Variants in SFSWAP observed in about 807,000 individuals in gnomAD.
SFSWAP encodes splicing factor, suppressor of white-apricot homolog.
SFSWAP carries 17 observed loss-of-function variants against 100.7 expected under a neutral mutation model. The ratio of observed to expected loss-of-function variants is 0.17; its 90% CI spans 0.12 to 0.25. SFSWAP has a LOEUF of 0.25. Among genes scored for constraint, SFSWAP ranks in the 10% least tolerant of loss-of-function variants. The pLI is 1.00. For synonymous variants in SFSWAP, 504 were observed against 510.1 expected (o/e 0.99, Z 0.16); for missense variants, 1,005 against 1,262.6 (o/e 0.80, Z 3.09).
At chr12:131,765,629 CAA>C (rs1183969864) in intron 12 of SFSWAP, among the ~76,000 whole-genome samples, 4 of 150,374 alleles carry the variant, frequency 2.7e-5, no homozygotes, top group African/African-American at 7.4e-5. Flanking sequence ...GCCTGGGCAA[CAA>C]GAGCAAAAAC....
chr12:131,771,955 C>A (rs1181441917), intron 13 of SFSWAP, among the ~76,000 whole-genome samples: 1 of 152,184 alleles, frequency 6.6e-6, no homozygotes, highest in African/African-American at 2.4e-5. Context: ...GCCACCGCTC[C>A]CGGCCACTTT....
rs1878395532 is a variant in SFSWAP at position 131,720,724 on chromosome 12, T to G, written c.606+1185T>G. On this transcript the variant is annotated intron_variant, in intron 4 of 17. Coordinates refer to ENST00000261674, the MANE Select transcript of SFSWAP (RefSeq NM_004592.4). ...TGGTTCTTACCCTTCATTAATCTGATGAAGGGCAATATAAAAATAGCCCTT... is the reference window on the plus strand; with the variant it reads ...TGGTTCTTACCCTTCATTAATCTGAGGAAGGGCAATATAAAAATAGCCCTT... Among the ~76,000 whole-genome samples, 3 of 152,354 alleles carry G rather than the reference T, an allele frequency of 2.0e-5. No individual in the cohort carries two copies. In the South Asian group the frequency reaches 6.2e-4, roughly 32 times the overall value.
At chr12:131,762,286 T>C (rs1882743325) in intron 11 of SFSWAP, among the ~76,000 whole-genome samples, 1 of 151,662 alleles carries the variant, frequency 6.6e-6, no homozygotes, top group African/African-American at 2.4e-5. Flanking sequence ...TGGCTCATGC[T>C]TGTCATCCCA....
At chr12:131,782,118 G>T (rs2136264101) in intron 14 of SFSWAP, among the ~76,000 whole-genome samples, 1 of 152,320 alleles carries the variant, frequency 6.6e-6, no homozygotes, top group African/African-American at 2.4e-5. Flanking sequence ...ATCGAATCTA[G>T]CCTGATCAAC....
Position 131,764,682 on chromosome 12 carries a change from G to A in SFSWAP, c.1947G>A (p.Lys649=). Residue 649 remains lysine (K), a synonymous_variant, in exon 12 of 18, where the codon AAG becomes AAA. Transcript: ENST00000261674. ...PQLTQEELEA[K]QAKQKLEDRL... is the part of the protein sequence containing the mutation. ...TTACCCAGGAGGAGCTAGAAGCAAA[G>A]CAAGGTTTGTTGATAGCTTTTAAAC... is the stretch of plus-strand genomic sequence containing the variant. The A allele has an allele frequency of 6.2e-7, 1 of 1,608,522 alleles. No individual in the cohort carries two copies. The highest frequency in any genetic ancestry group is 8.5e-7 in the Non-Finnish European group (1 of 1,175,240).
chr12:131,738,882 A>ATTTTTTTTTTTTTTT (rs1555243205), intron 7 of SFSWAP, among the ~76,000 whole-genome samples: 40 of 40,154 alleles, frequency 1.0e-3, no homozygotes, highest in Non-Finnish European at 2.2e-3. Context: ...AATGAACATT[A>ATTTTTTTTTTTTTTT]TTCTTTTTTT....
intron 11 of SFSWAP, among the ~76,000 whole-genome samples, chr12:131,760,882 G>A (rs138143348): frequency 6.6e-6 from 1 of 152,262 alleles, no homozygotes; most frequent in East Asian, 1.9e-4. Flanking sequence ...GACCAGCCTG[G>A]TCAACATGGT....
At chr12:131,782,990 G>A (rs1884607998) in intron 14 of SFSWAP, among the ~76,000 whole-genome samples, 1 of 152,084 alleles carries the variant, frequency 6.6e-6, no homozygotes, top group Non-Finnish European at 1.5e-5. Context: ...AGGCCAGCCT[G>A]GCCAACATGG....
rs1879868087 is a variant in SFSWAP at position 131,734,992 on chromosome 12, C to T, written c.1081+6564C>T. 6.6e-6 allele frequency among the ~76,000 whole-genome samples: 1 copy of T among 152,200 alleles called. No individual in the cohort carries two copies. The highest frequency in any genetic ancestry group is 2.4e-5 in the African/African-American group (1 of 41,462). On this transcript the variant is annotated intron_variant, in intron 7 of 17. Coordinates refer to ENST00000261674, the MANE Select transcript of SFSWAP (RefSeq NM_004592.4). The surrounding 1 kb of genome is among the most constrained non-coding windows in gnomAD (Gnocchi z 4.9). ...ACTGTCCGTGAAGGTGACGCTCATA[C>T]CGTAACCTTAGCAGCAGGCTGTTGC...
intron 7 of SFSWAP, among the ~76,000 whole-genome samples, chr12:131,742,229 A>G (rs1367560460): frequency 2.0e-5 from 3 of 152,084 alleles, no homozygotes; most frequent in East Asian, 3.9e-4. Context: ...GGTCATTGGC[A>G]TTTCCACCTG....
intron 15 of SFSWAP, among the ~76,000 whole-genome samples, chr12:131,791,042 A>G (rs7308646): frequency 0.27 from 40,895 of 152,148 alleles, 8,787 homozygotes; most frequent in African/African-American, 0.6. Context: ...AAATAATTAC[A>G]TTAAATGTAA....
chr12:131,759,959 C>G (rs1284855972), intron 11 of SFSWAP, among the ~76,000 whole-genome samples: 2 of 152,188 alleles, frequency 1.3e-5, no homozygotes, highest in Non-Finnish European at 2.9e-5. Context: ...CAGCAACATT[C>G]TCTCAGATGT....
chr12:131,755,377 T>C lies in SFSWAP; in HGVS notation c.1455-9T>C. 6.2e-7 allele frequency: 1 copy of C among 1,608,946 alleles called. No individual in the cohort carries two copies. The highest frequency in any genetic ancestry group is 8.5e-7 in the Non-Finnish European group (1 of 1,175,652). On this transcript the variant is annotated splice_polypyrimidine_tract_variant and intron_variant, in intron 9 of 17. Coordinates refer to ENST00000261674, the MANE Select transcript of SFSWAP (RefSeq NM_004592.4). ...GTAAATGACCCATTTTCTTTCTTTT[T>C]CTGCTCAGATTTGAGTTCCTGCAGC...
At chr12:131,795,435 C>T (rs961538328) in intron 15 of SFSWAP, among the ~76,000 whole-genome samples, 1 of 152,226 alleles carries the variant, frequency 6.6e-6, no homozygotes, top group Non-Finnish European at 1.5e-5. Flanking sequence ...CCAGGGCATG[C>T]TGTGGTCCCT....
intron 7 of SFSWAP, among the ~76,000 whole-genome samples, chr12:131,740,704 A>C (rs529225360): frequency 6.6e-6 from 1 of 152,102 alleles, no homozygotes; most frequent in African/African-American, 2.4e-5. Context: ...TATTCCTTGT[A>C]GTTTAAATTC....
intron 4 of SFSWAP, among the ~76,000 whole-genome samples, chr12:131,720,403 G>A (rs759056414): frequency 6.6e-6 from 1 of 152,200 alleles, no homozygotes; most frequent in Non-Finnish European, 1.5e-5. Flanking sequence ...TTCAGTCACC[G>A]TGCTTTATGG....
In SFSWAP at chr12:131,795,657, G is replaced by A. The variant is rs913184577; in HGVS notation, c.2535-1521G>A. Among the ~76,000 whole-genome samples the A allele has an allele frequency of 5.9e-5, 9 of 152,046 alleles. No individual in the cohort carries two copies. In the East Asian group the frequency reaches 1.8e-3, roughly 30 times the overall value. On this transcript the variant is annotated intron_variant, in intron 15 of 17. Coordinates refer to ENST00000261674, the MANE Select transcript of SFSWAP (RefSeq NM_004592.4). ...GAGGGGCAGGGCTTGGGGTAACTGGGCCTGTGCACAGGCCCTGGAGGTCTC... is the reference window on the plus strand; with the variant it reads ...GAGGGGCAGGGCTTGGGGTAACTGGACCTGTGCACAGGCCCTGGAGGTCTC...
Position 131,796,977 on chromosome 12 carries a change from T to C in SFSWAP, c.2535-201T>C, listed in dbSNP as rs1885721979. The C allele has an allele frequency of 9.5e-6, 5 of 524,104 alleles. No individual in the cohort carries two copies. The African/African-American group carries it at 9.6e-5, about 10-fold the overall frequency. 32.5% of individuals were successfully genotyped at this position (524,104 alleles called of 1,614,324 possible). On this transcript the variant is annotated intron_variant, in intron 15 of 17. Transcript: ENST00000261674. ...AATACCACAAATATTTTACTTGAGG[T>C]CCTAAATGGGGACGCGTCATCTGTT...
rs1394136612 is a variant in SFSWAP, at chr12:131,745,663, C to T, written c.1082-7460C>T. On this transcript the variant is annotated intron_variant, in intron 7 of 17. Transcript: ENST00000261674. The stretch of plus-strand genomic sequence containing the variant: ...CTAACTATAGGCAGAGTAAGATTCT[C>T]AAATCAGGCAGGCTGGCACAGTCTG... 5.9e-5 allele frequency among the ~76,000 whole-genome samples: 9 copies of T among 151,774 alleles called. No individual in the cohort carries two copies. In the East Asian group the frequency reaches 1.7e-3, roughly 29 times the overall value.
Sources: gnomAD v4.1 joint callset for allele counts (sites outside exome capture counted in the v4.1 genomes callset) on GRCh38, gnomAD v4.1.1 for gene constraint, Gnocchi (gnomAD v3.1) non-coding constraint, MANE v1.5 for transcripts, NCBI Gene and HGNC (gene_info 2026-07-23, HGNC 2026-07-21) for gene names.